The following BRF1 variants were observed in gnomAD, a reference collection of about 807,000 sequenced individuals.
BRF1 encodes the protein BRF1 general transcription factor IIIB subunit, also known as transcription factor IIIB 90 kDa subunit.
Under a neutral mutation model 81.7 loss-of-function variants are expected in BRF1, and 59 were observed. The observed-to-expected ratio is 0.72, with a 90% confidence interval of 0.59 to 0.90. The LOEUF (loss-of-function observed/expected upper bound fraction) is 0.90. Ranked by LOEUF, BRF1 falls within the 40% of genes least tolerant of loss-of-function variation. The probability of loss-of-function intolerance (pLI) is 0.00; values close to 1 mark genes in which losing one functional copy is unlikely to be tolerated. For missense variants in BRF1, 1,050 were observed against 936.3 expected (o/e 1.12, Z -1.58); for synonymous variants, 491 against 395.6 (o/e 1.24, Z -2.86).
intron 2 of BRF1, among the ~76,000 whole-genome samples, chr14:105,273,962 C>T (rs1051008963): frequency 1.3e-5 from 2 of 152,206 alleles, no homozygotes; most frequent in Non-Finnish European, 2.9e-5. Context: ...TACAGGAAGG[C>T]CTCTGTCTCC....
At chr14:105,223,090 G>C (rs1404034345) in intron 10 of BRF1, among the ~76,000 whole-genome samples, 1 of 152,168 alleles carries the variant, frequency 6.6e-6, no homozygotes, top group Non-Finnish European at 1.5e-5. Context: ...CTACTTGGGA[G>C]GCTGAGATGG....
At chr14:105,243,047 C>T (rs1013875901) in intron 5 of BRF1, among the ~76,000 whole-genome samples, 3 of 151,802 alleles carry the variant, frequency 2.0e-5, no homozygotes, top group Non-Finnish European at 4.4e-5. Flanking sequence ...ACCTAGGAGG[C>T]GGAGATTGCA....
At chr14:105,241,489 G>C (rs587691508) in intron 5 of BRF1, 75 bp from the exon 6 acceptor site, 23 of 1,580,304 alleles carry the variant, frequency 1.5e-5, no homozygotes, top group Admixed American at 3.4e-5. Flanking sequence ...CGCAGCCCAG[G>C]GGTGGGGCAA....
intron 5 of BRF1, chr14:105,247,144 C>A: frequency 1.0e-6 from 1 of 985,490 alleles, no homozygotes; most frequent in Non-Finnish European, 1.2e-6. Context: ...CCAGTGGGGT[C>A]CCACACTATG....
chr14:105,283,749 C>G (rs587654440), intron 2 of BRF1, among the ~76,000 whole-genome samples: 5 of 152,308 alleles, frequency 3.3e-5, no homozygotes, highest in Admixed American at 2.0e-4. Flanking sequence ...AAAGATACCG[C>G]GAGTTTTTGG....
At chr14:105,229,614 T>C (rs866749961) in intron 6 of BRF1, among the ~76,000 whole-genome samples, 11 of 152,248 alleles carry the variant, frequency 7.2e-5, no homozygotes, top group South Asian at 2.1e-4. Flanking sequence ...GTCACAGAGG[T>C]CCAACTAGAA....
At chr14:105,280,339 G>A (rs908038710) in intron 2 of BRF1, among the ~76,000 whole-genome samples, 11 of 152,202 alleles carry the variant, frequency 7.2e-5, no homozygotes, top group Non-Finnish European at 1.0e-4. Flanking sequence ...ACCAAGCGCC[G>A]GTGAAAAGAT....
At chr14:105,243,228 C>T (rs368594428) in intron 5 of BRF1, among the ~76,000 whole-genome samples, 1 of 149,358 alleles carries the variant, frequency 6.7e-6, no homozygotes, top group South Asian at 2.1e-4. Flanking sequence ...ATTGCCTGAG[C>T]TTAGGAGTTC....
intron 10 of BRF1, among the ~76,000 whole-genome samples, chr14:105,225,227 G>A (rs779297744): frequency 6.6e-6 from 1 of 152,140 alleles, no homozygotes; most frequent in Non-Finnish European, 1.5e-5. Context: ...AGGCCCTCCC[G>A]TGGCTCCTAC....
chr14:105,223,541 C>T (rs894907619), intron 10 of BRF1, among the ~76,000 whole-genome samples: 12 of 149,960 alleles, frequency 8.0e-5, no homozygotes, highest in East Asian at 1.9e-4. Context: ...TGAAAAAAGC[C>T]GAAGGGAAAA....
chr14:105,249,674 G>A (rs1226137312), intron 5 of BRF1: 6 of 1,613,088 alleles, frequency 3.7e-6, no homozygotes, highest in Non-Finnish European at 4.2e-6. Context: ...TCTGGAAGCC[G>A]ACACGGTGCT....
upstream of BRF1, among the ~76,000 whole-genome samples, chr14:105,303,898 T>C (rs72711569): frequency 0.033 from 4,965 of 152,276 alleles, 146 homozygotes; most frequent in African/African-American, 0.075. Flanking sequence ...AGGGAGCCCT[T>C]GAGGATGTGA....
intron 2 of BRF1, among the ~76,000 whole-genome samples, chr14:105,283,668 T>C (rs1048010028): frequency 6.6e-6 from 1 of 152,244 alleles, no homozygotes; most frequent in Admixed American, 6.5e-5. Flanking sequence ...CCAATCCTAT[T>C]GCAATGCACG....
chr14:105,218,327 G>A (rs766667001), intron 14 of BRF1, among the ~76,000 whole-genome samples: 14 of 152,180 alleles, frequency 9.2e-5, no homozygotes, highest in Non-Finnish European at 1.8e-4. Context: ...CCCGCTGCAC[G>A]ATGACCTTCC....
chr14:105,226,862 G>A (rs1455498116), intron 7 of BRF1, 102 bp from the exon 8 acceptor site: 4 of 1,563,738 alleles, frequency 2.6e-6, no homozygotes, highest in East Asian at 2.3e-5. Flanking sequence ...TGATCCCAGT[G>A]CTTTGGGAGC....
intron 1 of BRF1, among the ~76,000 whole-genome samples, chr14:105,313,574 G>A (rs1456612100): frequency 6.6e-6 from 1 of 152,232 alleles, no homozygotes; most frequent in African/African-American, 2.4e-5. Flanking sequence ...CTCTCTCAAC[G>A]GAGGAAGCAG....
intron 4 of BRF1, among the ~76,000 whole-genome samples, chr14:105,253,600 TGCGCTAGA>T: frequency 6.6e-6 from 1 of 152,346 alleles, no homozygotes; most frequent in East Asian, 1.9e-4. Flanking sequence ...GGGTCCTGTC[TGCGCTAGA>T]GGCAAGAGAC....
At chr14:105,303,974 G>C (rs2058104284), upstream of BRF1, among the ~76,000 whole-genome samples, 3 of 152,348 alleles carry the variant, frequency 2.0e-5, no homozygotes, top group South Asian at 6.2e-4. Flanking sequence ...GAGGCCATGT[G>C]GCCACTGGAT....
At chr14:105,259,371 AGAGGTCGAGGTT>A (rs140062919) in intron 3 of BRF1, among the ~76,000 whole-genome samples, 5,403 of 152,242 alleles carry the variant, frequency 0.035, 173 homozygotes, top group African/African-American at 0.085. Context: ...CTTGCACCCA[AGAGGTCGAGGTT>A]GCAGTGAGCT....
Sources: allele counts gnomAD v4.1 joint callset (sites outside exome capture counted in the v4.1 genomes callset), GRCh38; gene constraint gnomAD v4.1.1; transcripts MANE v1.5; gene names NCBI Gene and HGNC (gene_info 2026-07-23, HGNC 2026-07-21).